Variants in CCDC191 observed in about 807,000 individuals in gnomAD.
CCDC191 encodes the protein coiled-coil domain containing 191, also known as coiled-coil domain-containing protein 191.
Under a neutral mutation model 114.0 loss-of-function variants are expected in CCDC191, and 99 were observed. The observed-to-expected ratio is 0.87, with a 90% confidence interval of 0.74 to 1.03. CCDC191 has a LOEUF of 1.03. Among genes scored for constraint, CCDC191 ranks in the 50% least tolerant of loss-of-function variants. CCDC191 has a pLI of 0.00. For missense variants in CCDC191, 973 were observed against 1,087.0 expected (o/e 0.90, Z 1.47); for synonymous variants, 351 against 376.0 (o/e 0.93, Z 0.77).
chr3:114,011,968 A>G (rs1178363848), intron 8 of CCDC191, among the ~76,000 whole-genome samples: 3 of 152,146 alleles, frequency 2.0e-5, no homozygotes, highest in African/African-American at 4.8e-5. Context: ...TTCAAAATAT[A>G]CTGTTTAGAC....
At chr3:114,004,323 C>T (rs1220429819) in intron 11 of CCDC191, 8 of 1,005,754 alleles carry the variant, frequency 8.0e-6, no homozygotes, top group African/African-American at 1.7e-5. Flanking sequence ...AGAGTTTTCT[C>T]ATTTGTGTAA....
At chr3:113,976,717 C>A (rs1050530732) in intron 16 of CCDC191, among the ~76,000 whole-genome samples, 5 of 151,188 alleles carry the variant, frequency 3.3e-5, no homozygotes, top group Admixed American at 1.3e-4. Context: ...CCTGTTTAGT[C>A]TTCACAGCAA....
chr3:114,053,465 GC>G, intron 2 of CCDC191, 131 bp downstream of exon 2: 1 of 473,366 alleles, frequency 2.1e-6, no homozygotes, highest in Non-Finnish European at 3.8e-6. Context: ...TAAAATTAAG[GC>G]AACTTACATA....
intron 13 of CCDC191, among the ~76,000 whole-genome samples, chr3:113,996,054 T>C (rs138356983): frequency 6.0e-4 from 91 of 152,304 alleles, no homozygotes; most frequent in African/African-American, 2.1e-3. Context: ...ATTGCAAAAA[T>C]TTTCTCCCTT....
intron 16 of CCDC191, among the ~76,000 whole-genome samples, chr3:113,973,010 C>T (rs1403466571): frequency 6.6e-6 from 1 of 152,084 alleles, no homozygotes; most frequent in Non-Finnish European, 1.5e-5. Flanking sequence ...ATCCATCAGC[C>T]ACTCTATGTC....
In CCDC191 at chr3:114,002,523, GCT is replaced by G. The variant is rs753394793; in HGVS notation, c.1992_1993del (p.Arg664SerfsTer6). 3.1e-6 allele frequency: 5 copies of G among 1,608,634 alleles called. No individual in the cohort carries two copies. The highest frequency in any genetic ancestry group is 2.2e-5 in the South Asian group (2 of 90,096). On this transcript the variant is annotated frameshift_variant, in exon 12 of 17. Transcript: ENST00000295878. LOFTEE classifies it high-confidence loss of function. ...CCGCCTACATTCAGCTCGTTGAATT[GCT>G]CTCTCTTCCATAGCTAGAAAATAGT...
chr3:113,967,947 G>T (rs1394921409), intron 16 of CCDC191, among the ~76,000 whole-genome samples: 2 of 152,144 alleles, frequency 1.3e-5, no homozygotes, highest in Non-Finnish European at 2.9e-5. Context: ...TTCTATCCAT[G>T]TTGCTGCAAA....
rs76373680 is a variant in CCDC191 at position 114,047,277 on chromosome 3, A to G, written c.130-545T>C. ...TTTAACTCAACAGCAAGAGTCTAGT[A>G]AAAACATGACCAAATTTGCAGGATT... On this transcript the variant is annotated intron_variant, in intron 2 of 16. Transcript: ENST00000295878. The G allele has an allele frequency of 7.6e-3, 1,911 of 252,860 alleles. 62 individuals carry two copies. In the East Asian group the frequency reaches 0.1, roughly 13 times the overall value. 15.7% of individuals were successfully genotyped at this position (252,860 alleles called of 1,614,324 possible).
rs576524269 is a variant in CCDC191 at position 113,997,508 on chromosome 3, G to A, written c.2163+4087C>T. Among the ~76,000 whole-genome samples the A allele has an allele frequency of 1.1e-4, 17 of 152,150 alleles. No homozygotes were observed. In the East Asian group the frequency reaches 3.3e-3, roughly 29 times the overall value. On this transcript the variant is annotated intron_variant, in intron 13 of 16. Coordinates refer to ENST00000295878, the MANE Select transcript of CCDC191 (RefSeq NM_020817.2). ...CCATTTATAACTAAGAACCCTCAGAGAAATGGCTTATTCATGAGGGCAGGG... is the reference window on the plus strand; with the variant it reads ...CCATTTATAACTAAGAACCCTCAGAAAAATGGCTTATTCATGAGGGCAGGG...
At chr3:114,040,639 C>T (rs2107744307) in intron 4 of CCDC191, among the ~76,000 whole-genome samples, 1 of 152,126 alleles carries the variant, frequency 6.6e-6, no homozygotes, top group South Asian at 2.1e-4. Flanking sequence ...CATGGTATAT[C>T]TTTTTCCATC....
chr3:113,980,741 A>G lies in CCDC191; in HGVS notation c.2216T>C (p.Ile739Thr), dbSNP rs1391968486. 1 of 1,610,426 alleles carries G rather than the reference A, an allele frequency of 6.2e-7. No homozygotes were observed. Among genetic ancestry groups the G allele is most frequent in the East Asian group, 2.2e-5 (1 of 44,700 alleles). The change falls in exon 14 of 17, where the codon ATA (isoleucine) becomes ACA (threonine). Residue 739 changes from isoleucine to threonine, a missense_variant. Transcript: ENST00000295878. ...RIKRNQQLEA[I>T]AKEHYERVLL... ...GACCCTTTCATAATGTTCTTTGGCT[A>G]TTGCTTCCAGCTGCTGGTTCCTCTT...
intron 7 of CCDC191, among the ~76,000 whole-genome samples, chr3:114,023,379 A>G (rs2076271530): frequency 6.6e-6 from 1 of 152,220 alleles, no homozygotes; most frequent in Admixed American, 6.5e-5. Flanking sequence ...TGGAACCAAA[A>G]AAGAGCCTGC....
intron 13 of CCDC191, 146 bp from the exon 14 acceptor site, chr3:113,980,939 C>CT (rs1387340861): frequency 2.8e-6 from 2 of 724,694 alleles, no homozygotes; most frequent in African/African-American, 3.7e-5. Flanking sequence ...AGGGCTTTTT[C>CT]TTTAAAAAAA....
At chr3:114,056,268 G>A in intron 1 of CCDC191, 109 bp downstream of exon 1, 1 of 1,030,900 alleles carries the variant, frequency 9.7e-7, no homozygotes, top group Non-Finnish European at 1.5e-6. Flanking sequence ...GCAGGGGCGT[G>A]TCAGCTCAGG....
At chr3:113,990,836 C>T (rs1273324331) in intron 13 of CCDC191, among the ~76,000 whole-genome samples, 1 of 147,406 alleles carries the variant, frequency 6.8e-6, no homozygotes, top group Non-Finnish European at 1.5e-5. Flanking sequence ...TGTGGTGGTG[C>T]ATGCTTAGAA....
At chr3:114,030,874 C>A (rs2076394960) in intron 7 of CCDC191, among the ~76,000 whole-genome samples, 1 of 152,116 alleles carries the variant, frequency 6.6e-6, no homozygotes, top group South Asian at 2.1e-4. Flanking sequence ...TGAATTTCAG[C>A]AATGCCTAAG....
At chr3:113,981,489 A>C (rs1428941298) in intron 13 of CCDC191, among the ~76,000 whole-genome samples, 1 of 152,194 alleles carries the variant, frequency 6.6e-6, no homozygotes, top group Non-Finnish European at 1.5e-5. Context: ...GGTGAGAGAA[A>C]AAGAAATCTA....
chr3:114,002,762 T>C, intron 11 of CCDC191: 2 of 926,356 alleles, frequency 2.2e-6, no homozygotes, highest in Non-Finnish European at 1.3e-6. Context: ...GAACAATTTA[T>C]AAATTAATTA....
rs370724918 is a variant in CCDC191, at chr3:113,980,692, C to T, written c.2265G>A (p.Glu755=). ...TTTGCATTCTCAATCTCTTCCAAGG[C>T]TCTAGACCTTTTTTCCTTAGCAAGA... is the stretch of plus-strand genomic sequence containing the variant. ...ERVLLRKKGL[E]PWKRLRMQSK... Residue 755 remains glutamate (E), a synonymous_variant, in exon 14 of 17, where the codon GAG becomes GAA. Coordinates refer to ENST00000295878, the MANE Select transcript of CCDC191 (RefSeq NM_020817.2). 1.2e-6 allele frequency: 2 copies of T among 1,608,586 alleles called. No individual in the cohort carries two copies. Among genetic ancestry groups the T allele is most frequent in the African/African-American group, 2.7e-5 (2 of 74,480 alleles).
Sources: gnomAD v4.1 joint callset for allele counts (sites outside exome capture counted in the v4.1 genomes callset) on GRCh38, gnomAD v4.1.1 for gene constraint, MANE v1.5 for transcripts, NCBI Gene and HGNC (gene_info 2026-07-23, HGNC 2026-07-21) for gene names.